Variants in PRIM2 observed in about 807,000 individuals in gnomAD.
PRIM2 encodes the protein DNA primase large subunit.
PRIM2 carries 39 observed loss-of-function variants against 67.3 expected under a neutral mutation model. The ratio of observed to expected loss-of-function variants is 0.58; its 90% CI spans 0.45 to 0.76. The LOEUF (loss-of-function observed/expected upper bound fraction) is 0.76. PRIM2 is among the 30% of genes least tolerant of loss of function. The pLI is 0.00. For missense variants in PRIM2, 398 were observed against 598.7 expected (o/e 0.66, Z 3.50); for synonymous variants, 143 against 198.7 (o/e 0.72, Z 2.36).
At chr6:57,508,956 C>T (rs1384398103) in intron 8 of PRIM2, among the ~76,000 whole-genome samples, 1 of 152,148 alleles carries the variant, frequency 6.6e-6, no homozygotes, top group Non-Finnish European at 1.5e-5. Flanking sequence ...TAGTCAAGCA[C>T]CAATAGTGTT....
At chr6:57,238,845 T>C in the PRIM2 span, among the ~76,000 whole-genome samples, 11 of 152,228 alleles carry the variant, frequency 7.2e-5, no homozygotes, top group African/African-American at 2.7e-4. Flanking sequence ...ATGATATTTC[T>C]AAATTTTCTG....
chr6:57,584,507 A>G (rs1360977585), intron 10 of PRIM2, among the ~76,000 whole-genome samples: 3 of 152,204 alleles, frequency 2.0e-5, no homozygotes, highest in Non-Finnish European at 4.4e-5. Context: ...GAAAATTTTA[A>G]AACTGTGTCT....
At chr6:57,354,726 CTA>C (rs1452811187) in intron 5 of PRIM2, among the ~76,000 whole-genome samples, 1 of 152,212 alleles carries the variant, frequency 6.6e-6, no homozygotes, top group Non-Finnish European at 1.5e-5. Context: ...CAGTAGTTAA[CTA>C]TGTACTTCCA....
At chr6:57,540,535 A>G in intron 10 of PRIM2, among the ~76,000 whole-genome samples, 1 of 152,324 alleles carries the variant, frequency 6.6e-6, no homozygotes, top group African/African-American at 2.4e-5. Context: ...GATATGCAAC[A>G]ATTTGAAAAA....
chr6:57,643,336 A>C (rs1479421798), intron 13 of PRIM2, among the ~76,000 whole-genome samples: 7 of 152,218 alleles, frequency 4.6e-5, no homozygotes, highest in African/African-American at 1.7e-4. Flanking sequence ...TATCATTATC[A>C]GTATGATTTT....
chr6:57,355,059 T>C (rs1581821636), intron 5 of PRIM2, among the ~76,000 whole-genome samples: 1 of 152,410 alleles, frequency 6.6e-6, no homozygotes, highest in East Asian at 1.9e-4. Context: ...ATCCCAGCAC[T>C]TCGGGAGGCT....
chr6:57,368,867 G>A (rs73751308), intron 5 of PRIM2, among the ~76,000 whole-genome samples: 4 of 152,158 alleles, frequency 2.6e-5, no homozygotes, highest in African/African-American at 7.2e-5. Context: ...TTCATATTCT[G>A]TGTCTTCATG....
At chr6:57,337,630 A>C (rs1768303304) in intron 5 of PRIM2, among the ~76,000 whole-genome samples, 1 of 152,240 alleles carries the variant, frequency 6.6e-6, no homozygotes, top group African/African-American at 2.4e-5. Flanking sequence ...TAATGAAATG[A>C]AGGCAGAAAT....
intron 10 of PRIM2, among the ~76,000 whole-genome samples, chr6:57,564,430 G>A (rs1185778938): frequency 2.6e-5 from 4 of 152,168 alleles, no homozygotes; most frequent in Non-Finnish European, 4.4e-5. Context: ...ATTGAAACAT[G>A]TAATGTATTG....
At chr6:57,437,435 A>C (rs1772046925) in intron 7 of PRIM2, among the ~76,000 whole-genome samples, 1 of 152,048 alleles carries the variant, frequency 6.6e-6, no homozygotes, top group Admixed American at 6.6e-5. Context: ...CTCTGTTTTC[A>C]CCTGGTGGGC....
the PRIM2 span, among the ~76,000 whole-genome samples, chr6:57,253,050 G>T: frequency 6.6e-6 from 1 of 152,172 alleles, no homozygotes; most frequent in African/African-American, 2.4e-5. Flanking sequence ...TGTGACTCAA[G>T]AGTGCAGAGA....
the PRIM2 span, among the ~76,000 whole-genome samples, chr6:57,285,573 C>T: frequency 1.1e-4 from 17 of 152,144 alleles, no homozygotes; most frequent in East Asian, 5.8e-4. Flanking sequence ...AATTCAACAA[C>T]GCTTTTTCCT....
At chr6:57,308,894 G>T in the PRIM2 span, among the ~76,000 whole-genome samples, 1 of 149,394 alleles carries the variant, frequency 6.7e-6, no homozygotes, top group African/African-American at 2.5e-5. Flanking sequence ...TTTACTTTAA[G>T]TTCTGAGATA....
chr6:57,607,601 T>A, intron 12 of PRIM2, among the ~76,000 whole-genome samples: 1 of 152,258 alleles, frequency 6.6e-6, no homozygotes, highest in Admixed American at 6.5e-5. Context: ...CACCAATACA[T>A]AAATACTAAT....
the PRIM2 span, among the ~76,000 whole-genome samples, chr6:57,291,649 C>T: frequency 3.9e-5 from 6 of 152,238 alleles, no homozygotes; most frequent in East Asian, 7.7e-4. Context: ...TTATTCACCA[C>T]GATCAAGTTG....
intron 10 of PRIM2, among the ~76,000 whole-genome samples, chr6:57,593,306 C>A (rs1245408965): frequency 1.4e-5 from 2 of 145,134 alleles, no homozygotes; most frequent in African/African-American, 5.0e-5. Context: ...CTTCCTACCT[C>A]TTTTTTTTTT....
At chr6:57,310,886 C>A (rs547430610), upstream of PRIM2, among the ~76,000 whole-genome samples, 2 of 151,008 alleles carry the variant, frequency 1.3e-5, no homozygotes, top group Admixed American at 1.3e-4. Flanking sequence ...GCGCTCCTCA[C>A]TTCCCAGACG....
At chr6:57,529,227 G>A (rs1405000727) in intron 8 of PRIM2, among the ~76,000 whole-genome samples, 5 of 151,934 alleles carry the variant, frequency 3.3e-5, no homozygotes, top group South Asian at 4.2e-4. Context: ...GGAGAATGGC[G>A]TGAACCCGGG....
chr6:57,464,822 A>G (rs56749846), intron 7 of PRIM2, among the ~76,000 whole-genome samples: 1 of 152,162 alleles, frequency 6.6e-6, no homozygotes, highest in East Asian at 1.9e-4. Flanking sequence ...CACTTTTTGA[A>G]TAGTTACTGT....
Sources: gnomAD v4.1 joint callset for allele counts (sites outside exome capture counted in the v4.1 genomes callset) on GRCh38, gnomAD v4.1.1 for gene constraint, MANE v1.5 for transcripts, NCBI Gene and HGNC (gene_info 2026-07-23, HGNC 2026-07-21) for gene names.